Variants in GHR observed in about 807,000 individuals in gnomAD.
GHR encodes the protein GH receptor.
GHR carries 35 observed loss-of-function variants against 67.1 expected under a neutral mutation model. The ratio of observed to expected loss-of-function variants is 0.52; its 90% CI spans 0.40 to 0.69. GHR has a LOEUF of 0.69. Ranked by LOEUF, GHR falls within the 30% of genes least tolerant of loss-of-function variation. The pLI is 0.00. For missense variants in GHR, 792 were observed against 764.6 expected (o/e 1.04, Z -0.42); for synonymous variants, 272 against 269.1 (o/e 1.01, Z -0.10).
rs192891964 is a variant in GHR, at chr5:42,694,900, T to G, written c.267-17T>G. 1.3e-4 allele frequency: 210 copies of G among 1,588,928 alleles called. No homozygotes were observed. Among genetic ancestry groups the G allele is most frequent in the Non-Finnish European group, 1.3e-5 (15 of 1,157,818 alleles). ...GATTTTTGGAACAATTAATCTTTTT[T>G]TAACCCTTCATTTTAGGAACACTCA... On this transcript the variant is annotated splice_polypyrimidine_tract_variant and intron_variant, in intron 4 of 9. Transcript: ENST00000230882.
chr5:42,532,543 G>T (rs937108315), intron 1 of GHR, among the ~76,000 whole-genome samples: 1 of 151,972 alleles, frequency 6.6e-6, no homozygotes, highest in Non-Finnish European at 1.5e-5. Flanking sequence ...ACCTTCCCCA[G>T]TCTCATTATT....
chr5:42,647,749 C>T (rs150542545), intron 3 of GHR: 1 of 425,904 alleles, frequency 2.3e-6, no homozygotes, highest in Non-Finnish European at 4.6e-6. Context: ...AAAAATTAAC[C>T]CTGTAGCTTG....
chr5:42,463,686 GA>G (rs1317321833), intron 1 of GHR, among the ~76,000 whole-genome samples: 1 of 152,156 alleles, frequency 6.6e-6, no homozygotes, highest in Non-Finnish European at 1.5e-5. Flanking sequence ...TTTCAAAACG[GA>G]AAATACCTTA....
intron 2 of GHR, among the ~76,000 whole-genome samples, chr5:42,575,592 C>G (rs928378150): frequency 6.6e-6 from 1 of 151,828 alleles, no homozygotes; most frequent in African/African-American, 2.4e-5. Flanking sequence ...GTTAAATTTG[C>G]ATCCTCACGA....
At chr5:42,441,086 C>T (rs1743545845) in intron 1 of GHR, among the ~76,000 whole-genome samples, 1 of 152,112 alleles carries the variant, frequency 6.6e-6, no homozygotes, top group Non-Finnish European at 1.5e-5. Context: ...ATTAAAGCCA[C>T]TGAGGTAAGT....
chr5:42,450,618 T>C (rs1744008146), intron 1 of GHR, among the ~76,000 whole-genome samples: 1 of 152,142 alleles, frequency 6.6e-6, no homozygotes, highest in Non-Finnish European at 1.5e-5. Context: ...TTGTTGTTGT[T>C]GTTTCAGTTT....
At chr5:42,539,616 C>T (rs1041638678) in intron 1 of GHR, among the ~76,000 whole-genome samples, 10 of 152,152 alleles carry the variant, frequency 6.6e-5, no homozygotes, top group East Asian at 1.9e-4. Context: ...TGGGTCCTCT[C>T]GGGATTCCTG....
In GHR at chr5:42,719,372, T is replaced by C. The variant is rs571412809; in HGVS notation, c.1865T>C (p.Leu622Pro). 6.2e-7 allele frequency: 1 copy of C among 1,614,060 alleles called. No individual in the cohort carries two copies. The highest frequency in any genetic ancestry group is 1.7e-5 in the Admixed American group (1 of 60,018). The change falls in exon 10 of 10, where the codon CTC becomes CCC. Residue 622 changes from leucine to proline, a missense_variant. By Grantham distance (98) the Leu-to-Pro change is moderately conservative. Coordinates refer to ENST00000230882, the MANE Select transcript of GHR (RefSeq NM_000163.5). ...TALPLPDKEFLSSCGYVSTDQ... is the reference protein window; with the variant it reads ...TALPLPDKEFPSSCGYVSTDQ... ...TTGCCCTTGCCTGACAAAGAGTTTCTCTCATCATGTGGCTATGTGAGCACA... is the reference window on the plus strand; with the variant it reads ...TTGCCCTTGCCTGACAAAGAGTTTCCCTCATCATGTGGCTATGTGAGCACA...
At chr5:42,542,646 C>T (rs1299973752) in intron 1 of GHR, among the ~76,000 whole-genome samples, 1 of 152,078 alleles carries the variant, frequency 6.6e-6, no homozygotes. Flanking sequence ...TATTTCTATT[C>T]CAATCATTTT....
At chr5:42,639,955 G>A (rs1754384787) in intron 3 of GHR, among the ~76,000 whole-genome samples, 1 of 152,180 alleles carries the variant, frequency 6.6e-6, no homozygotes, top group Non-Finnish European at 1.5e-5. Flanking sequence ...GAAGGGAAGT[G>A]TGGAGGGAGA....
chr5:42,562,153 G>A (rs1350655754), intron 1 of GHR, among the ~76,000 whole-genome samples: 1 of 152,192 alleles, frequency 6.6e-6, no homozygotes, highest in African/African-American at 2.4e-5. Flanking sequence ...GAATCTAATA[G>A]AGAAGGATTC....
chr5:42,665,363 A>G (rs1755903002), intron 3 of GHR, among the ~76,000 whole-genome samples: 1 of 152,210 alleles, frequency 6.6e-6, no homozygotes, highest in Non-Finnish European at 1.5e-5. Flanking sequence ...TCCAACAATG[A>G]TAGACTGGAT....
At chr5:42,607,981 A>G (rs1318278054) in intron 2 of GHR, among the ~76,000 whole-genome samples, 1 of 152,194 alleles carries the variant, frequency 6.6e-6, no homozygotes, top group Non-Finnish European at 1.5e-5. Flanking sequence ...GTCAGTTATG[A>G]TCTAGGCTGA....
chr5:42,634,344 GGA>G (rs1387947062), intron 3 of GHR, among the ~76,000 whole-genome samples: 21 of 151,800 alleles, frequency 1.4e-4, no homozygotes, highest in Non-Finnish European at 2.8e-4. Flanking sequence ...ACTCTATATT[GGA>G]CCCTAAAATC....
intron 2 of GHR, among the ~76,000 whole-genome samples, chr5:42,616,427 G>A (rs886589496): frequency 5.3e-5 from 8 of 152,090 alleles, no homozygotes; most frequent in South Asian, 2.1e-4. Flanking sequence ...TTTGGCTTAA[G>A]TACCTGAGTG....
At chr5:42,591,708 A>G (rs1041062943) in intron 2 of GHR, among the ~76,000 whole-genome samples, 3 of 152,054 alleles carry the variant, frequency 2.0e-5, no homozygotes, top group African/African-American at 7.2e-5. Flanking sequence ...CTACCAGGGA[A>G]TCCCTCTGCA....
intron 1 of GHR, among the ~76,000 whole-genome samples, chr5:42,482,018 A>G (rs1209580830): frequency 1.3e-5 from 2 of 151,222 alleles, no homozygotes; most frequent in Non-Finnish European, 3.0e-5. Context: ...GGTTTTATCT[A>G]CCTTTGGTCT....
intron 3 of GHR, among the ~76,000 whole-genome samples, chr5:42,660,346 C>A (rs1034730083): frequency 6.6e-6 from 1 of 152,150 alleles, no homozygotes; most frequent in Admixed American, 6.6e-5. Flanking sequence ...AGCAGCCTAA[C>A]TGGGAGACAC....
At chr5:42,427,265 G>A (rs1194195892) in intron 1 of GHR, among the ~76,000 whole-genome samples, 2 of 152,188 alleles carry the variant, frequency 1.3e-5, no homozygotes, top group Admixed American at 6.5e-5. Context: ...AGAAAAAGAG[G>A]TTTAATGGAT....
Sources: gnomAD v4.1 joint callset for allele counts (sites outside exome capture counted in the v4.1 genomes callset) on GRCh38, gnomAD v4.1.1 for gene constraint, MANE v1.5 for transcripts, NCBI Gene and HGNC (gene_info 2026-07-23, HGNC 2026-07-21) for gene names.